Variants in CCDC178 observed in about 807,000 individuals in gnomAD.
CCDC178 encodes coiled-coil domain containing 178.
CCDC178 carries 126 observed loss-of-function variants against 117.4 expected under a neutral mutation model. That is an observed-to-expected ratio of 1.07 (90% CI 0.93 to 1.24). The LOEUF (loss-of-function observed/expected upper bound fraction) is 1.24, where lower values mean the gene tolerates loss of function less well. CCDC178 is among the 50% of genes most tolerant of loss of function. The pLI is 0.00. For synonymous variants in CCDC178, 283 were observed against 313.4 expected, an observed-to-expected ratio of 0.90 and a Z score of 1.02; for missense variants, 1,030 against 986.9, an observed-to-expected ratio of 1.04 and a Z score of -0.59.
intron 16 of CCDC178, among the ~76,000 whole-genome samples, chr18:33,225,291 T>C (rs1014728765): frequency 6.6e-6 from 1 of 151,956 alleles, no homozygotes; most frequent in East Asian, 1.9e-4. Flanking sequence ...GCCTTCTCAG[T>C]AGCTGGAATT....
At chr18:33,362,461 T>A (rs1446947988) in intron 6 of CCDC178, among the ~76,000 whole-genome samples, 1 of 151,746 alleles carries the variant, frequency 6.6e-6, no homozygotes, top group Non-Finnish European at 1.5e-5. Flanking sequence ...ATATGGAAAA[T>A]GAACACGTCT....
intron 14 of CCDC178, 29 bp downstream of exon 14, chr18:33,266,887 T>C (rs1484210827): frequency 6.7e-7 from 1 of 1,487,190 alleles, no homozygotes; most frequent in South Asian, 1.3e-5. Flanking sequence ...GATTATGGTA[T>C]ATAAGAAGAA....
chr18:33,333,123 T>C (rs888390398), intron 10 of CCDC178, 51 bp downstream of exon 10: 3 of 1,177,388 alleles, frequency 2.5e-6, no homozygotes, highest in Non-Finnish European at 3.7e-6. Flanking sequence ...TGAAAAGTTT[T>C]TGCATAACTA....
intron 15 of CCDC178, among the ~76,000 whole-genome samples, chr18:33,235,861 C>A (rs2059420546): frequency 6.6e-6 from 1 of 152,174 alleles, no homozygotes; most frequent in South Asian, 2.1e-4. Context: ...ATTAAATTGA[C>A]TTATTCCCTA....
At chr18:33,427,822 C>A (rs2064142704) in intron 2 of CCDC178, among the ~76,000 whole-genome samples, 1 of 152,120 alleles carries the variant, frequency 6.6e-6, no homozygotes, top group Non-Finnish European at 1.5e-5. Context: ...GAGTGACAGG[C>A]AATTCAAATC....
At chr18:33,112,628 A>G (rs1187626866) in intron 20 of CCDC178, among the ~76,000 whole-genome samples, 1 of 151,954 alleles carries the variant, frequency 6.6e-6, no homozygotes, top group Non-Finnish European at 1.5e-5. Context: ...CTGCAACAGC[A>G]GAGTCACACC....
intron 4 of CCDC178, among the ~76,000 whole-genome samples, chr18:33,393,211 A>AT (rs2063585395): frequency 6.6e-6 from 1 of 152,166 alleles, no homozygotes; most frequent in African/African-American, 2.4e-5. Flanking sequence ...GCCTTATTTT[A>AT]TGCTTTAGTG....
chr18:33,247,845 G>C (rs1179319583), intron 14 of CCDC178, among the ~76,000 whole-genome samples: 1 of 151,874 alleles, frequency 6.6e-6, no homozygotes, highest in Non-Finnish European at 1.5e-5. Flanking sequence ...TGTGTGGTGT[G>C]TGTTTGAGTA....
At chr18:33,414,742 C>G (rs2063908997) in intron 2 of CCDC178, among the ~76,000 whole-genome samples, 1 of 152,196 alleles carries the variant, frequency 6.6e-6, no homozygotes, top group Admixed American at 6.5e-5. Flanking sequence ...GCAAAAGAAA[C>G]TACCATCAGA....
intron 21 of CCDC178, among the ~76,000 whole-genome samples, chr18:33,022,812 A>T (rs1320303497): frequency 6.6e-6 from 1 of 152,110 alleles, no homozygotes; most frequent in African/African-American, 2.4e-5. Flanking sequence ...GATTAAAAAG[A>T]CATGACTCAA....
Position 33,333,298 on chromosome 18 carries a change from A to T in CCDC178, c.755T>A (p.Leu252Ter), listed in dbSNP as rs1453335134. ...LQHFEKQKTE[L>*]EEANAKIQAD... ...TTGAATCTTTGCATTTGCTTCTTCT[A>T]ACTCTGTCTTTTGTTTTTCAAAATG... Residue 252 changes from leucine to a stop codon, truncating the protein, a stop_gained, in exon 10 of 23, where the codon TTA (leucine) becomes TAA (stop). Transcript: ENST00000383096. LOFTEE classifies it high-confidence loss of function. The T allele has an allele frequency of 1.9e-6, 3 of 1,612,262 alleles. No homozygotes were observed. In the African/African-American group the frequency reaches 4.0e-5, roughly 22 times the overall value.
At chr18:33,159,957 A>G (rs1385270122) in intron 20 of CCDC178, among the ~76,000 whole-genome samples, 3 of 152,126 alleles carry the variant, frequency 2.0e-5, no homozygotes, top group Non-Finnish European at 4.4e-5. Flanking sequence ...CATTCCTATC[A>G]ATCATCAGAG....
In CCDC178 at chr18:33,099,440, C is replaced by T. The variant is rs186784055; in HGVS notation, c.2239-6530G>A. Among the ~76,000 whole-genome samples the T allele has an allele frequency of 4.6e-4, 70 of 151,942 alleles. 2 individuals are homozygous for T. In the South Asian group the frequency reaches 0.011, roughly 23 times the overall value. On this transcript the variant is annotated intron_variant, in intron 20 of 22. Coordinates refer to ENST00000383096, the MANE Select transcript of CCDC178 (RefSeq NM_001105528.4). ...GATGTCCTTAAAGCAGGTATTGGTGCGGAGACTGATTCATAGCATGTACAG... is the reference window on the plus strand; with the variant it reads ...GATGTCCTTAAAGCAGGTATTGGTGTGGAGACTGATTCATAGCATGTACAG...
At chr18:33,356,009 C>T (rs2063050967) in intron 7 of CCDC178, among the ~76,000 whole-genome samples, 1 of 152,146 alleles carries the variant, frequency 6.6e-6, no homozygotes, top group African/African-American at 2.4e-5. Flanking sequence ...AAGCAGCTTC[C>T]TTCTTCATTG....
intron 11 of CCDC178, among the ~76,000 whole-genome samples, chr18:33,301,571 G>C (rs1436946985): frequency 6.6e-6 from 1 of 152,204 alleles, no homozygotes; most frequent in African/African-American, 2.4e-5. Context: ...CACAAGAATG[G>C]AACTGTCAAG....
intron 20 of CCDC178, among the ~76,000 whole-genome samples, chr18:33,117,459 T>C (rs1263046391): frequency 6.6e-6 from 1 of 151,922 alleles, no homozygotes; most frequent in Non-Finnish European, 1.5e-5. Context: ...GTCCCTGATA[T>C]GGCAACATTC....
chr18:33,144,074 T>C (rs1848968421), intron 20 of CCDC178, among the ~76,000 whole-genome samples: 1 of 152,128 alleles, frequency 6.6e-6, no homozygotes, highest in African/African-American at 2.4e-5. Flanking sequence ...TTGTAGATGA[T>C]ATTCTTCCCT....
At chr18:33,167,922 C>T (rs907476391) in intron 20 of CCDC178, among the ~76,000 whole-genome samples, 34 of 151,542 alleles carry the variant, frequency 2.2e-4, no homozygotes, top group Admixed American at 6.6e-5. Context: ...TGTTCATGTA[C>T]TTTGCCAACA....
intron 21 of CCDC178, among the ~76,000 whole-genome samples, chr18:32,988,409 C>T (rs868534865): frequency 2.0e-5 from 3 of 152,078 alleles, no homozygotes; most frequent in African/African-American, 7.2e-5. Flanking sequence ...GCATGCCAGC[C>T]TGGGCTACGG....
Sources: gnomAD v4.1 joint callset for allele counts (sites outside exome capture counted in the v4.1 genomes callset) on GRCh38, gnomAD v4.1.1 for gene constraint, MANE v1.5 for transcripts, NCBI Gene and HGNC (gene_info 2026-07-23, HGNC 2026-07-21) for gene names.